SCN11A: variants seen among roughly 807,000 people sequenced by gnomAD.
The protein encoded by SCN11A is sodium voltage-gated channel alpha subunit 11, also known as sodium channel protein type 11 subunit alpha.
SCN11A carries 122 observed loss-of-function variants against 162.2 expected under a neutral mutation model. That is an observed-to-expected ratio of 0.75 (90% CI 0.65 to 0.87). The LOEUF (loss-of-function observed/expected upper bound fraction) is 0.87, where lower values mean the gene tolerates loss of function less well. SCN11A is among the 40% of genes least tolerant of loss of function. The probability of loss-of-function intolerance (pLI) is 0.00; values close to 1 mark genes in which losing one functional copy is unlikely to be tolerated. For synonymous variants in SCN11A, 758 were observed against 751.5 expected, an observed-to-expected ratio of 1.01 and a Z score of -0.14; for missense variants, 2,015 against 2,181.6, an observed-to-expected ratio of 0.92 and a Z score of 1.52.
intron 2 of SCN11A, among the ~76,000 whole-genome samples, chr3:39,000,323 T>A (rs1406984710): frequency 6.6e-6 from 1 of 152,180 alleles, no homozygotes; most frequent in African/African-American, 2.4e-5. Flanking sequence ...GTGGACTGGG[T>A]AGAGCTTGGT....
chr3:38,987,659 T>G (rs1203107906), intron 2 of SCN11A, among the ~76,000 whole-genome samples: 2 of 152,180 alleles, frequency 1.3e-5, no homozygotes, highest in Admixed American at 6.5e-5. Context: ...TTCTGGACAC[T>G]GGCACTTCAG....
At chr3:39,029,105 T>C (rs889936341) in intron 2 of SCN11A, among the ~76,000 whole-genome samples, 2 of 152,212 alleles carry the variant, frequency 1.3e-5, no homozygotes, top group African/African-American at 4.8e-5. Flanking sequence ...CCTTTACCTG[T>C]GTTTTTAAGT....
chr3:38,893,121 C>G (rs1226801041), intron 19 of SCN11A, among the ~76,000 whole-genome samples: 2 of 152,048 alleles, frequency 1.3e-5, no homozygotes, highest in East Asian at 1.9e-4. Context: ...GCAGAGGACA[C>G]ATTTTGGGTT....
intron 11 of SCN11A, among the ~76,000 whole-genome samples, chr3:38,916,532 C>G (rs2065963677): frequency 6.6e-6 from 1 of 152,174 alleles, no homozygotes; most frequent in African/African-American, 2.4e-5. Context: ...TGCCCTAAAA[C>G]CTTTCCATGT....
chr3:38,977,137 A>G (rs1487788331), intron 2 of SCN11A, among the ~76,000 whole-genome samples: 1 of 152,222 alleles, frequency 6.6e-6, no homozygotes, highest in African/African-American at 2.4e-5. Context: ...AGAGAAAACA[A>G]AAAGAAATTA....
chr3:39,002,519 G>A (rs1371726207), intron 2 of SCN11A, among the ~76,000 whole-genome samples: 1 of 152,178 alleles, frequency 6.6e-6, no homozygotes, highest in Non-Finnish European at 1.5e-5. Flanking sequence ...TGTAACTGAA[G>A]GTTCAAAACC....
At chr3:38,993,267 G>C (rs566805937) in intron 2 of SCN11A, among the ~76,000 whole-genome samples, 4 of 152,176 alleles carry the variant, frequency 2.6e-5, no homozygotes, top group Admixed American at 6.5e-5. Flanking sequence ...AGCGCCTCTG[G>C]GAGTTTTATT....
Position 38,846,302 on chromosome 3 carries a change from C to A in SCN11A, c.*392G>T, listed in dbSNP as rs143326272. On this transcript the variant is annotated 3_prime_UTR_variant, in exon 30 of 30. Coordinates refer to ENST00000302328, the MANE Select transcript of SCN11A (RefSeq NM_001349253.2). Reference sequence around the variant, plus strand: ...CTAATTTTTGTATTTTTAGTAGAGACGGAGTTTCATCATGTTGGCCAGGAT... The same window carrying A: ...CTAATTTTTGTATTTTTAGTAGAGAAGGAGTTTCATCATGTTGGCCAGGAT... 2.9e-5 allele frequency: 5 copies of A among 173,844 alleles called. No individual in the cohort carries two copies. The highest frequency in any genetic ancestry group is 2.7e-4 in the South Asian group (2 of 7,434). The allele number at this position is 173,844 out of a possible 1,614,324, so 10.8% of individuals were successfully genotyped here. A position where few individuals can be genotyped will look rare whatever the true frequency, so the allele number is the denominator to read the frequency against.
At chr3:39,015,898 G>A (rs189805679) in intron 2 of SCN11A, among the ~76,000 whole-genome samples, 1 of 152,038 alleles carries the variant, frequency 6.6e-6, no homozygotes, top group African/African-American at 2.4e-5. Flanking sequence ...CACCATGCCC[G>A]GCTAATTTTT....
At chr3:38,905,407 T>C in intron 14 of SCN11A, 86 bp from the exon 15 acceptor site, 2 of 1,486,966 alleles carry the variant, frequency 1.3e-6, no homozygotes, top group East Asian at 2.3e-5. Flanking sequence ...CAATGCTACA[T>C]GTAATGAAAG....
chr3:38,915,113 T>G lies in SCN11A; in HGVS notation c.959+4822A>C, dbSNP rs1279605804. ...GATCCATCTGGTCTCAGGATTTTTTTGGTTGGTAGGCTATTTATTATAGAT... is the reference window on the plus strand; with the variant it reads ...GATCCATCTGGTCTCAGGATTTTTTGGGTTGGTAGGCTATTTATTATAGAT... On this transcript the variant is annotated intron_variant, in intron 11 of 29. Coordinates refer to ENST00000302328, the MANE Select transcript of SCN11A (RefSeq NM_001349253.2). Among the ~76,000 whole-genome samples the G allele has an allele frequency of 2.0e-5, 3 of 152,262 alleles. No individual in the cohort carries two copies. The East Asian group carries it at 5.8e-4, about 29-fold the overall frequency.
At chr3:38,882,708 T>A (rs977814261) in intron 22 of SCN11A, among the ~76,000 whole-genome samples, 2 of 152,132 alleles carry the variant, frequency 1.3e-5, no homozygotes, top group East Asian at 3.9e-4. Flanking sequence ...TCATTGGGAC[T>A]CATACCACAC....
chr3:39,035,962 A>G (rs1559581560), intron 1 of SCN11A, among the ~76,000 whole-genome samples: 1 of 152,052 alleles, frequency 6.6e-6, no homozygotes, highest in South Asian at 2.1e-4. Flanking sequence ...GACTTGCTAC[A>G]TTTCTGACTT....
At chr3:38,951,546 G>A (rs1044243925) in intron 4 of SCN11A, among the ~76,000 whole-genome samples, 4 of 152,256 alleles carry the variant, frequency 2.6e-5, no homozygotes, top group African/African-American at 7.2e-5. Flanking sequence ...AGCGCATGGC[G>A]CAGGACTGGC....
intron 3 of SCN11A, among the ~76,000 whole-genome samples, chr3:38,957,127 T>C (rs1464812595): frequency 1.3e-5 from 2 of 152,020 alleles, no homozygotes; most frequent in African/African-American, 4.8e-5. Context: ...ATATATACAA[T>C]GATTATTTTG....
chr3:38,867,678 G>A (rs375358741), intron 26 of SCN11A, among the ~76,000 whole-genome samples: 11 of 152,144 alleles, frequency 7.2e-5, no homozygotes, highest in African/African-American at 2.4e-4. Context: ...ATGGAAAATC[G>A]GGCTTTTTAT....
intron 2 of SCN11A, among the ~76,000 whole-genome samples, chr3:39,022,965 T>A (rs1011176996): frequency 6.6e-6 from 1 of 152,172 alleles, no homozygotes; most frequent in African/African-American, 2.4e-5. Flanking sequence ...AACACTAAAT[T>A]TTCGATGAAG....
chr3:38,939,827 C>T (rs889413042), intron 7 of SCN11A, among the ~76,000 whole-genome samples: 3 of 151,324 alleles, frequency 2.0e-5, no homozygotes, highest in Admixed American at 2.0e-4. Context: ...CGCTTGAACC[C>T]GGGAGGAGGA....
intron 28 of SCN11A, among the ~76,000 whole-genome samples, chr3:38,856,827 A>G (rs2064877451): frequency 6.6e-6 from 1 of 152,238 alleles, no homozygotes; most frequent in Admixed American, 6.5e-5. Flanking sequence ...CCAGCACACT[A>G]AGACAGTAAC....
Sources: gnomAD v4.1 joint callset for allele counts (sites outside exome capture counted in the v4.1 genomes callset) on GRCh38, gnomAD v4.1.1 for gene constraint, MANE v1.5 for transcripts, NCBI Gene and HGNC (gene_info 2026-07-23, HGNC 2026-07-21) for gene names.